Variants in SLTM observed in about 807,000 individuals in gnomAD.
SLTM encodes the protein SAFB like transcription modulator.
SLTM carries 43 observed loss-of-function variants against 134.6 expected under a neutral mutation model. The ratio of observed to expected loss-of-function variants is 0.32; its 90% CI spans 0.25 to 0.41. The LOEUF (loss-of-function observed/expected upper bound fraction) is 0.41, where lower values mean the gene tolerates loss of function less well. Ranked by LOEUF, SLTM falls within the 10% of genes least tolerant of loss-of-function variation. The probability of loss-of-function intolerance (pLI) is 1.00; values close to 1 mark genes in which losing one functional copy is unlikely to be tolerated. For synonymous variants in SLTM, 424 were observed against 432.3 expected (o/e 0.98, Z 0.24); for missense variants, 1,055 against 1,288.8 (o/e 0.82, Z 2.78).
intron 5 of SLTM, among the ~76,000 whole-genome samples, chr15:58,911,302 G>A (rs2036252712): frequency 6.6e-6 from 1 of 152,102 alleles, no homozygotes; most frequent in African/African-American, 2.4e-5. Context: ...AATCAACTAA[G>A]TAGTCCACAA....
At chr15:58,920,583 G>A (rs1012050693) in intron 2 of SLTM, among the ~76,000 whole-genome samples, 5 of 146,996 alleles carry the variant, frequency 3.4e-5, no homozygotes, top group African/African-American at 7.6e-5. Context: ...AGATAGCAAC[G>A]CAGCACTCCA....
intron 9 of SLTM, among the ~76,000 whole-genome samples, chr15:58,896,221 T>C (rs1462756084): frequency 6.6e-6 from 1 of 152,136 alleles, no homozygotes; most frequent in Non-Finnish European, 1.5e-5. Flanking sequence ...TTTTAACACC[T>C]GTGTACTTTT....
At chr15:58,894,357 GCTA>G (rs1469826946) in intron 10 of SLTM, 73 bp downstream of exon 10, 1 of 1,533,406 alleles carries the variant, frequency 6.5e-7, no homozygotes. Flanking sequence ...TCTACTCCCT[GCTA>G]CTGTTAACAG....
At chr15:58,896,517 C>A (rs773974145) in intron 9 of SLTM, among the ~76,000 whole-genome samples, 1 of 151,904 alleles carries the variant, frequency 6.6e-6, no homozygotes, top group Non-Finnish European at 1.5e-5. Flanking sequence ...GCCCACATCA[C>A]GCTGCTACAC....
intron 13 of SLTM, 46 bp from the exon 14 acceptor site, chr15:58,893,106 G>A: frequency 1.3e-6 from 2 of 1,521,636 alleles, no homozygotes; most frequent in East Asian, 2.3e-5. Context: ...AATATTTTGG[G>A]GCTTTATTTT....
At chr15:58,889,286 A>G (rs1478224946) in intron 16 of SLTM, 144 bp downstream of exon 16, 10 of 999,552 alleles carry the variant, frequency 1.0e-5, no homozygotes, top group Non-Finnish European at 1.3e-5. Context: ...CACTGGGTCT[A>G]CCCCAGTACT....
chr15:58,888,007 C>T (rs1162885994), intron 17 of SLTM, among the ~76,000 whole-genome samples: 2 of 152,068 alleles, frequency 1.3e-5, no homozygotes, highest in South Asian at 2.1e-4. Context: ...AAAAATTAGC[C>T]GGGCATGGTG....
intron 2 of SLTM, among the ~76,000 whole-genome samples, chr15:58,919,364 G>A (rs1385644230): frequency 6.6e-6 from 1 of 152,138 alleles, no homozygotes; most frequent in East Asian, 1.9e-4. Flanking sequence ...GGAGGCTGGA[G>A]GGGGAGAATC....
chr15:58,933,374 C>T lies in SLTM; in HGVS notation c.162+30G>A, dbSNP rs146041870. 2.5e-4 allele frequency: 392 copies of T among 1,562,468 alleles called. 1 individual carries two copies. In the African/African-American group the frequency reaches 4.8e-3, roughly 19 times the overall value. ...GAGGCGCGGCCTAAGTTCCCCTTCC[C>T]GGTCCTTTCCGGTCCTCGCCGGGCC... is the stretch of plus-strand genomic sequence containing the variant. On this transcript the variant is annotated intron_variant, in intron 1 of 20. Coordinates refer to ENST00000380516, the MANE Select transcript of SLTM (RefSeq NM_024755.4).
chr15:58,913,298 T>C (rs558750808), intron 4 of SLTM, among the ~76,000 whole-genome samples: 6 of 152,252 alleles, frequency 3.9e-5, no homozygotes, highest in East Asian at 1.9e-4. Context: ...ATAACAACTA[T>C]GTATAAATAT....
At position 58,894,413 on chromosome 15, in the gene SLTM, A is replaced by G; in HGVS notation, c.1377+20T>C. On this transcript the variant is annotated intron_variant, in intron 10 of 20. Transcript: ENST00000380516. ...GCCATCAAATTAGACTTGCTTTGATAAACAGTTAGGGAAGCTTACTTTTTC... is the reference window on the plus strand; with the variant it reads ...GCCATCAAATTAGACTTGCTTTGATGAACAGTTAGGGAAGCTTACTTTTTC... 1 of 1,613,594 alleles carries G rather than the reference A, an allele frequency of 6.2e-7. No individual in the cohort carries two copies. Among genetic ancestry groups the G allele is most frequent in the South Asian group, 1.1e-5 (1 of 91,054 alleles).
intron 2 of SLTM, among the ~76,000 whole-genome samples, chr15:58,917,384 C>T (rs1280187234): frequency 6.6e-6 from 1 of 152,322 alleles, no homozygotes; most frequent in African/African-American, 2.4e-5. Context: ...GTACCTCCCA[C>T]AAAGCCTTTC....
Position 58,887,124 on chromosome 15 carries a change from TAAAC to T in SLTM, c.2691-9_2691-6del. 6.2e-7 allele frequency: 1 copy of T among 1,613,988 alleles called. No homozygotes were observed. The highest frequency in any genetic ancestry group is 2.2e-5 in the East Asian group (1 of 44,888). On this transcript the variant is annotated splice_region_variant and splice_polypyrimidine_tract_variant and intron_variant, in intron 18 of 20. Coordinates refer to ENST00000380516, the MANE Select transcript of SLTM (RefSeq NM_024755.4). ...GATCGTTCTGGCCTTTCAACTCTGT[TAAAC>T]AAAACATAAAAACATACATGATCAA... is the stretch of plus-strand genomic sequence containing the variant.
At chr15:58,931,142 G>A (rs945553254) in intron 2 of SLTM, among the ~76,000 whole-genome samples, 17 of 152,260 alleles carry the variant, frequency 1.1e-4, no homozygotes, top group African/African-American at 2.9e-4. Context: ...GTCTTCTCAT[G>A]ACAAGCTTCT....
At chr15:58,912,803 ATTAGAAATATTTCTCT>A in intron 4 of SLTM, 193 bp from the exon 5 acceptor site, 1 of 516,612 alleles carries the variant, frequency 1.9e-6, no homozygotes, top group South Asian at 2.2e-5. Context: ...TCGCTAGAGA[ATTAGAAATATTTCTCT>A]TGAGCCCCTC....
chr15:58,890,603 G>C (rs2034574528), intron 14 of SLTM, 142 bp from the exon 15 acceptor site: 1 of 802,052 alleles, frequency 1.2e-6, no homozygotes, highest in Admixed American at 3.1e-5. Flanking sequence ...ATTGGAAAGA[G>C]AATTCAAAGT....
chr15:58,883,722 T>G lies in SLTM; in HGVS notation c.2900A>C (p.Glu967Ala), dbSNP rs1459068363. The G allele has an allele frequency of 2.5e-6, 4 of 1,614,056 alleles. No individual in the cohort carries two copies. The highest frequency in any genetic ancestry group is 3.4e-6 in the Non-Finnish European group (4 of 1,180,042). The change falls in exon 20 of 21, where the codon GAG (glutamate) becomes GCG (alanine). Residue 967 changes from glutamate (E) to alanine (A), a missense_variant. This residue lies in a region of SLTM where 776 missense variants were observed against 962.2 expected (regional missense o/e 0.81). Transcript: ENST00000380516. ...CCCTTGAGAGGGTGGACCATGCCAC[T>G]CTTTCCTTGGTCCGCTTGTGTCCCG... Reference protein sequence around the residue: ...HGRDTSGPRKEWHGPPSQGPS... With the variant: ...HGRDTSGPRKAWHGPPSQGPS...
At position 58,880,107 on chromosome 15, in the gene SLTM, A is replaced by G; in HGVS notation, c.2997T>C (p.Ser999=). ...CAATTCTATTAATTGGGGATGCGTT[A>G]CTGAAAAAGGTTTAAAAGAAAAAAA... ...AGAGMITQHS[S]NASPINRIVQ... The change falls in exon 21 of 21, where the codon AGT becomes AGC. Residue 999 remains serine (S), a splice_region_variant and synonymous_variant. Transcript: ENST00000380516. 1 of 1,612,296 alleles carries G rather than the reference A, an allele frequency of 6.2e-7. No homozygotes were observed. Among genetic ancestry groups the G allele is most frequent in the Non-Finnish European group, 8.5e-7 (1 of 1,179,396 alleles).
chr15:58,933,268 C>A (rs1595970937), intron 1 of SLTM, 136 bp downstream of exon 1: 1 of 898,848 alleles, frequency 1.1e-6, no homozygotes. Flanking sequence ...TCGCGGGAGC[C>A]GCCCCTGGCC....
Sources: gnomAD v4.1 joint callset for allele counts (sites outside exome capture counted in the v4.1 genomes callset) on GRCh38, gnomAD v4.1.1 for gene constraint, gnomAD v4.1.1 regional missense constraint, MANE v1.5 for transcripts, NCBI Gene and HGNC (gene_info 2026-07-23, HGNC 2026-07-21) for gene names.